The following SMAD1 variants were observed in gnomAD, a reference collection of about 807,000 sequenced individuals.
SMAD1 encodes the protein SMAD family member 1.
Under a neutral mutation model 41.6 loss-of-function variants are expected in SMAD1, and 6 were observed. That is an observed-to-expected ratio of 0.14 (90% confidence interval 0.08 to 0.28). The LOEUF (loss-of-function observed/expected upper bound fraction) is 0.28, where lower values mean the gene tolerates loss of function less well. Ranked by LOEUF, SMAD1 falls within the 10% of genes least tolerant of loss-of-function variation. SMAD1 has a pLI of 1.00. For missense variants in SMAD1, 379 were observed against 582.6 expected (o/e 0.65, Z 3.60); for synonymous variants, 206 against 203.2 (o/e 1.01, Z -0.12).
At chr4:145,554,076 C>T in intron 6 of SMAD1, 36 bp downstream of exon 6, 1 of 1,444,608 alleles carries the variant, frequency 6.9e-7, no homozygotes, top group Non-Finnish European at 9.4e-7. Context: ...TAGGGCCTAA[C>T]ATACTTTTGC....
intron 1 of SMAD1, among the ~76,000 whole-genome samples, chr4:145,503,505 A>C (rs1326589265): frequency 6.6e-6 from 1 of 151,998 alleles, no homozygotes. Context: ...TATTTTGCTT[A>C]GTGGTGAGTT....
chr4:145,535,171 C>T lies in SMAD1; in HGVS notation c.401-4633C>T, dbSNP rs556153716. Among the ~76,000 whole-genome samples the T allele has an allele frequency of 7.9e-5, 12 of 152,198 alleles. 1 individual carries two copies. The South Asian group carries it at 2.5e-3, about 32-fold the overall frequency. On this transcript the variant is annotated intron_variant, in intron 2 of 6. Transcript: ENST00000302085. ...CACCAAAATGTCATTTGTCACCCAT[C>T]AGGTTGTCAGGATTCAGAAGCTTGA...
At chr4:145,548,001 G>T (rs568476534) in intron 5 of SMAD1, among the ~76,000 whole-genome samples, 1 of 152,052 alleles carries the variant, frequency 6.6e-6, no homozygotes, top group Non-Finnish European at 1.5e-5. Flanking sequence ...AGGAACTAGG[G>T]CTCCTTGAAG....
At chr4:145,546,299 ATTG>A (rs2126533233) in intron 4 of SMAD1, 1 of 184,756 alleles carries the variant, frequency 5.4e-6, no homozygotes, top group East Asian at 1.3e-4. Context: ...TCAGTCTTCT[ATTG>A]TTCTCTTCCC....
intron 1 of SMAD1, among the ~76,000 whole-genome samples, chr4:145,498,707 A>G (rs1482927412): frequency 6.6e-6 from 1 of 152,230 alleles, no homozygotes; most frequent in Non-Finnish European, 1.5e-5. Flanking sequence ...GAAAGAGACC[A>G]TACTATAGAT....
intron 2 of SMAD1, among the ~76,000 whole-genome samples, chr4:145,526,113 C>T (rs927106638): frequency 2.4e-4 from 36 of 152,198 alleles, no homozygotes; most frequent in African/African-American, 8.4e-4. Context: ...CGTGGTCTGG[C>T]TTATGTGGTC....
At chr4:145,485,439 A>G (rs1165446460) in intron 1 of SMAD1, among the ~76,000 whole-genome samples, 1 of 152,190 alleles carries the variant, frequency 6.6e-6, no homozygotes, top group African/African-American at 2.4e-5. Context: ...CAGTAGCCGC[A>G]TTTCAAGTGC....
chr4:145,522,034 G>A (rs1290293356), intron 2 of SMAD1, among the ~76,000 whole-genome samples: 2 of 152,186 alleles, frequency 1.3e-5, no homozygotes, highest in Non-Finnish European at 2.9e-5. Flanking sequence ...CAGGCTGGGC[G>A]TGGTGGCTCA....
Position 145,546,802 on chromosome 4 carries a change from CA to C in SMAD1, c.877del (p.Ser293ValfsTer88). The stretch of plus-strand genomic sequence containing the variant: ...GGTGAAGCGTTCCATGCCTCCTCCA[CA>C]AGTGTGTTGGTGGATGGTTTCACTG... ...RVGEAFHASSTSVLVDGFTDP... is the reference protein window; with the variant it reads ...RVGEAFHASSXSVLVDGFTDP... On this transcript the variant is annotated frameshift_variant, in exon 5 of 7. Coordinates refer to ENST00000302085, the MANE Select transcript of SMAD1 (RefSeq NM_005900.3). LOFTEE classifies it high-confidence loss of function. 1 of 1,614,074 alleles carries C rather than the reference CA, an allele frequency of 6.2e-7. No individual in the cohort carries two copies. The highest frequency in any genetic ancestry group is 8.5e-7 in the Non-Finnish European group (1 of 1,179,928).
chr4:145,543,268 A>T (rs1732055010), intron 4 of SMAD1, among the ~76,000 whole-genome samples: 3 of 152,260 alleles, frequency 2.0e-5, no homozygotes, highest in Admixed American at 2.0e-4. Flanking sequence ...TACCCAGCCA[A>T]AAAGAGTATT....
At chr4:145,509,539 A>G (rs1222129604) in intron 1 of SMAD1, among the ~76,000 whole-genome samples, 2 of 152,144 alleles carry the variant, frequency 1.3e-5, no homozygotes, top group African/African-American at 4.8e-5. Flanking sequence ...TTTGATGCAA[A>G]CTTAGCCATT....
intron 4 of SMAD1, among the ~76,000 whole-genome samples, chr4:145,543,026 G>A (rs1732042944): frequency 6.6e-6 from 1 of 151,854 alleles, no homozygotes; most frequent in Non-Finnish European, 1.5e-5. Flanking sequence ...CCAGGCTGGA[G>A]CACGATCTTG....
At position 145,546,926 on chromosome 4, in the gene SMAD1, T is replaced by C; in HGVS notation, c.997+2T>C. 1.2e-6 allele frequency: 2 copies of C among 1,612,670 alleles called. No homozygotes were observed. The highest frequency in any genetic ancestry group is 1.7e-6 in the Non-Finnish European group (2 of 1,178,704). ...ACACCAGGCGGCATATTGGAAAAGG[T>C]GAGTTTTTGCTTTAACCTCTTTCAG... On this transcript the variant is annotated splice_donor_variant, in intron 5 of 6. Coordinates refer to ENST00000302085, the MANE Select transcript of SMAD1 (RefSeq NM_005900.3). LOFTEE classifies it high-confidence loss of function.
chr4:145,489,367 G>A (rs990299604), intron 1 of SMAD1, among the ~76,000 whole-genome samples: 4 of 152,166 alleles, frequency 2.6e-5, no homozygotes, highest in African/African-American at 9.7e-5. Flanking sequence ...TGCACTGGAG[G>A]GATAGAGCCC....
At chr4:145,509,395 A>C (rs1244172676) in intron 1 of SMAD1, among the ~76,000 whole-genome samples, 3 of 151,280 alleles carry the variant, frequency 2.0e-5, no homozygotes, top group African/African-American at 7.2e-5. Context: ...TTGAATAGTT[A>C]AAACAAAAAT....
upstream of SMAD1, chr4:145,481,759 G>A (rs1022245421): frequency 5.2e-6 from 1 of 190,616 alleles, no homozygotes; most frequent in Non-Finnish European, 1.0e-5. Flanking sequence ...GCGGGTGAGC[G>A]TGTGAGCGGG....
chr4:145,547,977 C>T (rs1241648119), intron 5 of SMAD1, among the ~76,000 whole-genome samples: 1 of 152,094 alleles, frequency 6.6e-6, no homozygotes. Context: ...TCGCTAATAC[C>T]ATGTCCCACT....
At chr4:145,503,123 G>T (rs894273916) in intron 1 of SMAD1, among the ~76,000 whole-genome samples, 2 of 152,160 alleles carry the variant, frequency 1.3e-5, no homozygotes, top group African/African-American at 4.8e-5. Flanking sequence ...AATTTTCAGT[G>T]GGAAAAATGT....
chr4:145,549,760 A>T (rs1052925816), intron 5 of SMAD1, among the ~76,000 whole-genome samples: 4 of 152,098 alleles, frequency 2.6e-5, no homozygotes, highest in Non-Finnish European at 4.4e-5. Context: ...GGGGAAGAAA[A>T]CTCCAACTCT....
Sources: gnomAD v4.1 joint callset for allele counts (sites outside exome capture counted in the v4.1 genomes callset) on GRCh38, gnomAD v4.1.1 for gene constraint, MANE v1.5 for transcripts, NCBI Gene and HGNC (gene_info 2026-07-23, HGNC 2026-07-21) for gene names.